The following RNF180 variants were observed in gnomAD, a reference collection of about 807,000 sequenced individuals.
The protein encoded by RNF180 is E3 ubiquitin-protein ligase RNF180.
In RNF180, 38 loss-of-function variants were observed where a neutral mutation model predicts 59.2. The observed-to-expected ratio is 0.64, with a 90% confidence interval of 0.50 to 0.84. The LOEUF (loss-of-function observed/expected upper bound fraction) is 0.84, where lower values mean the gene tolerates loss of function less well. Ranked by LOEUF, RNF180 falls within the 40% of genes least tolerant of loss-of-function variation. The pLI is 0.00. For missense variants in RNF180, 705 were observed against 700.9 expected (o/e 1.01, Z -0.07); for synonymous variants, 262 against 240.3 (o/e 1.09, Z -0.84).
intron 1 of RNF180, among the ~76,000 whole-genome samples, chr5:64,171,831 T>G (rs905129665): frequency 6.6e-6 from 1 of 152,124 alleles, no homozygotes; most frequent in Non-Finnish European, 1.5e-5. Context: ...TTTAGAGGCC[T>G]TCTCCACCCC....
intron 5 of RNF180, among the ~76,000 whole-genome samples, chr5:64,324,885 G>T (rs189774859): frequency 1.4e-4 from 21 of 152,216 alleles, no homozygotes; most frequent in Middle Eastern, 6.8e-3. Flanking sequence ...ATAATTCTGG[G>T]ACTGGTACAC....
At chr5:64,298,256 T>C (rs1366364198) in intron 5 of RNF180, among the ~76,000 whole-genome samples, 1 of 152,080 alleles carries the variant, frequency 6.6e-6, no homozygotes, top group Admixed American at 6.6e-5. Flanking sequence ...CTTTATCCAG[T>C]CTATCATTTA....
chr5:64,300,695 C>T (rs1268842952), intron 5 of RNF180, among the ~76,000 whole-genome samples: 1 of 151,672 alleles, frequency 6.6e-6, no homozygotes, highest in Non-Finnish European at 1.5e-5. Context: ...GTGAGTATGG[C>T]ACAAACATTA....
intron 5 of RNF180, 79 bp downstream of exon 5, chr5:64,217,475 A>G: frequency 7.6e-7 from 1 of 1,317,430 alleles, no homozygotes; most frequent in Non-Finnish European, 9.7e-7. Flanking sequence ...TCCAAGCAGC[A>G]AAGACTTCCA....
chr5:64,340,001 CA>C (rs1489835463), intron 7 of RNF180, among the ~76,000 whole-genome samples: 2 of 152,114 alleles, frequency 1.3e-5, no homozygotes, highest in Non-Finnish European at 2.9e-5. Context: ...ATGACTCTGT[CA>C]ATTGTAATTC....
chr5:64,201,046 A>G lies in RNF180; in HGVS notation c.135+104A>G, dbSNP rs147744157. 133 of 868,226 alleles carry G rather than the reference A, an allele frequency of 1.5e-4. 1 individual carries two copies. In the Middle Eastern group the frequency reaches 2.9e-3, roughly 19 times the overall value. 53.8% of individuals were successfully genotyped at this position (868,226 alleles called of 1,614,324 possible). On this transcript the variant is annotated intron_variant, in intron 2 of 7. Transcript: ENST00000389100. ...CTTCTCTACCTTATTAAGAATATTT[A>G]TAGTTCTTTGTCATGACTCTTTGTC...
intron 5 of RNF180, among the ~76,000 whole-genome samples, chr5:64,308,467 C>T (rs1743586519): frequency 6.6e-6 from 1 of 151,716 alleles, no homozygotes; most frequent in South Asian, 2.1e-4. Context: ...TGTCTTTAAA[C>T]AGCAACAAAC....
intron 7 of RNF180, among the ~76,000 whole-genome samples, chr5:64,366,443 A>C (rs769856139): frequency 6.6e-6 from 1 of 151,342 alleles, no homozygotes; most frequent in Non-Finnish European, 1.5e-5. Flanking sequence ...CCTTGGGGAT[A>C]ACCTTCTTAC....
At chr5:64,189,469 G>A (rs1751030526) in intron 1 of RNF180, among the ~76,000 whole-genome samples, 2 of 151,844 alleles carry the variant, frequency 1.3e-5, no homozygotes, top group South Asian at 4.2e-4. Context: ...GTTATAAAGT[G>A]GCAAAAAAAG....
At chr5:64,344,508 C>A (rs1454290706) in intron 7 of RNF180, among the ~76,000 whole-genome samples, 1 of 144,714 alleles carries the variant, frequency 6.9e-6, no homozygotes, top group African/African-American at 2.7e-5. Flanking sequence ...TTCAACACAT[C>A]TATCTCAGGA....
chr5:64,318,040 G>T (rs1580240463), intron 5 of RNF180, among the ~76,000 whole-genome samples: 2 of 152,218 alleles, frequency 1.3e-5, no homozygotes, highest in South Asian at 2.1e-4. Context: ...TCAAAGTATG[G>T]TTTCTACTGA....
intron 5 of RNF180, among the ~76,000 whole-genome samples, chr5:64,265,730 A>G (rs1390734195): frequency 6.6e-6 from 1 of 152,062 alleles, no homozygotes; most frequent in Non-Finnish European, 1.5e-5. Context: ...GTGCCATATG[A>G]AATTTAAAGT....
At chr5:64,354,400 G>A (rs1278484944) in intron 7 of RNF180, among the ~76,000 whole-genome samples, 1 of 151,740 alleles carries the variant, frequency 6.6e-6, no homozygotes, top group African/African-American at 2.4e-5. Context: ...ACTGAATCTA[G>A]AAGAAATAGA....
At chr5:64,215,481 G>C (rs1323958129) in intron 4 of RNF180, among the ~76,000 whole-genome samples, 1 of 152,042 alleles carries the variant, frequency 6.6e-6, no homozygotes, top group Non-Finnish European at 1.5e-5. Context: ...TCATCTTTCA[G>C]TTACATAGTA....
At chr5:64,265,012 G>T (rs1043906235) in intron 5 of RNF180, among the ~76,000 whole-genome samples, 6 of 152,126 alleles carry the variant, frequency 3.9e-5, no homozygotes, top group African/African-American at 1.2e-4. Context: ...TTTGTTGGCT[G>T]CATAAGTGTC....
At chr5:64,276,586 GA>G in intron 5 of RNF180, among the ~76,000 whole-genome samples, 1 of 151,894 alleles carries the variant, frequency 6.6e-6, no homozygotes, top group Non-Finnish European at 1.5e-5. Flanking sequence ...TGGGGAGGCT[GA>G]AAAATGAATT....
At chr5:64,235,749 G>T (rs1580076180) in intron 5 of RNF180, among the ~76,000 whole-genome samples, 2 of 152,058 alleles carry the variant, frequency 1.3e-5, no homozygotes, top group Non-Finnish European at 2.9e-5. Context: ...CCCCCTTGCT[G>T]TTCTTATGAT....
chr5:64,352,080 G>T (rs1745839128), intron 7 of RNF180, among the ~76,000 whole-genome samples: 2 of 151,858 alleles, frequency 1.3e-5, no homozygotes, highest in African/African-American at 2.4e-5. Flanking sequence ...CAATTTCAGA[G>T]CCTGTTATTG....
rs185423809 is a variant in RNF180, at chr5:64,224,722, T to C, written c.1227+7326T>C. On this transcript the variant is annotated intron_variant, in intron 5 of 7. Coordinates refer to ENST00000389100, the MANE Select transcript of RNF180 (RefSeq NM_001113561.2). ...AGAACAGCAAAGATGCATGCTGTCT[T>C]TCCCAAGTGCTGTGGTTTGAACATG... is the stretch of plus-strand genomic sequence containing the variant. Among the ~76,000 whole-genome samples, 4 of 152,322 alleles carry C rather than the reference T, an allele frequency of 2.6e-5. No homozygotes were observed. In the East Asian group the frequency reaches 7.7e-4, roughly 29 times the overall value.
Sources: gnomAD v4.1 joint callset for allele counts (sites outside exome capture counted in the v4.1 genomes callset) on GRCh38, gnomAD v4.1.1 for gene constraint, MANE v1.5 for transcripts, NCBI Gene and HGNC (gene_info 2026-07-23, HGNC 2026-07-21) for gene names.